The following PRIM2 variants were observed in gnomAD, a reference collection of about 807,000 sequenced individuals.
PRIM2 encodes DNA primase subunit 2.
A neutral mutation model predicts 67.3 loss-of-function variants in PRIM2; 39 were observed. The ratio of observed to expected loss-of-function variants is 0.58; its 90% CI spans 0.45 to 0.76. PRIM2 has a LOEUF of 0.76. Ranked by LOEUF, PRIM2 falls within the 30% of genes least tolerant of loss-of-function variation. The pLI, the probability that PRIM2 is intolerant of heterozygous loss-of-function variation, is 0.00. For synonymous variants in PRIM2, 143 were observed against 198.7 expected, an observed-to-expected ratio of 0.72 and a Z score of 2.36; for missense variants, 398 against 598.7, an observed-to-expected ratio of 0.66 and a Z score of 3.50.
intron 8 of PRIM2, among the ~76,000 whole-genome samples, chr6:57,516,304 G>A (rs2127462498): frequency 6.6e-6 from 1 of 152,304 alleles, no homozygotes; most frequent in South Asian, 2.1e-4. Context: ...GAGGGTCACT[G>A]ATTTGGCCTC....
chr6:57,361,822 A>C (rs997682673), intron 5 of PRIM2, among the ~76,000 whole-genome samples: 10 of 152,220 alleles, frequency 6.6e-5, no homozygotes, highest in African/African-American at 2.2e-4. Context: ...GAGCAGGAAA[A>C]GACTGATTTC....
At chr6:57,274,923 C>T in the PRIM2 span, among the ~76,000 whole-genome samples, 4 of 151,000 alleles carry the variant, frequency 2.6e-5, no homozygotes, top group Non-Finnish European at 4.4e-5. Flanking sequence ...ACTACAGGCA[C>T]GTGCCTCAAC....
At chr6:57,412,391 T>G (rs1377177879) in intron 7 of PRIM2, among the ~76,000 whole-genome samples, 1 of 152,182 alleles carries the variant, frequency 6.6e-6, no homozygotes, top group Non-Finnish European at 1.5e-5. Flanking sequence ...TCACATATAA[T>G]GCTGTGATGA....
At position 57,326,178 on chromosome 6, in the gene PRIM2, G is replaced by A. The variant is rs937120575; in HGVS notation, c.459+133G>A. 4.6e-5 allele frequency: 43 copies of A among 940,280 alleles called. 1 individual carries two copies. Among genetic ancestry groups the A allele is most frequent in the Non-Finnish European group, 6.2e-5 (40 of 646,316 alleles). The allele number at this position is 940,280 out of a possible 1,614,324, so 58.2% of individuals were successfully genotyped here. On this transcript the variant is annotated intron_variant, in intron 5 of 13. Coordinates refer to ENST00000615550, the MANE Select transcript of PRIM2 (RefSeq NM_000947.5). The stretch of plus-strand genomic sequence containing the variant: ...TACCTGCCTGAAACAGTAGCTAATA[G>A]CTTTGGATAACAATATATCTTTCCT...
chr6:57,619,595 T>G (rs1776815439), intron 12 of PRIM2, among the ~76,000 whole-genome samples: 2 of 152,042 alleles, frequency 1.3e-5, no homozygotes, highest in Non-Finnish European at 2.9e-5. Context: ...CAGGAAACTT[T>G]GGATACACTT....
chr6:57,646,292 C>T lies in PRIM2; in HGVS notation c.*134C>T. The T allele has an allele frequency of 6.3e-6, 4 of 634,968 alleles. No homozygotes were observed. Among genetic ancestry groups the T allele is most frequent in the Middle Eastern group, 4.2e-4 (1 of 2,378 alleles). The allele number at this position is 634,968 out of a possible 1,614,324, so 39.3% of individuals were successfully genotyped here. A position where few individuals can be genotyped will look rare whatever the true frequency, so the allele number is the denominator to read the frequency against. On this transcript the variant is annotated 3_prime_UTR_variant, in exon 14 of 14. Coordinates refer to ENST00000615550, the MANE Select transcript of PRIM2 (RefSeq NM_000947.5). ...CAATTACAGCTGATTGCAGCCTTGA[C>T]CTTCCCAGCTCAAGTGATCCTCCTA...
At chr6:57,425,005 G>C (rs867880745) in intron 7 of PRIM2, among the ~76,000 whole-genome samples, 2 of 152,012 alleles carry the variant, frequency 1.3e-5, no homozygotes, top group Non-Finnish European at 2.9e-5. Context: ...ATGAATAAAT[G>C]AATAAATAAA....
At position 57,346,333 on chromosome 6, in the gene PRIM2, T is replaced by C. The variant is rs558619722; in HGVS notation, c.459+20288T>C. Among the ~76,000 whole-genome samples, 197 of 152,276 alleles carry C rather than the reference T, an allele frequency of 1.3e-3. 5 individuals carry two copies. The East Asian group carries it at 0.017, about 13-fold the overall frequency. ...GCTTTTAAATGTATACTTTTTTTTT[T>C]TGAGACGGAGTCTCACTCTGTCGCC... On this transcript the variant is annotated intron_variant, in intron 5 of 13. Transcript: ENST00000615550.
chr6:57,597,215 A>G (rs1181356412), intron 10 of PRIM2, among the ~76,000 whole-genome samples: 4 of 152,238 alleles, frequency 2.6e-5, no homozygotes, highest in African/African-American at 7.2e-5. Context: ...CGTTCTTTTG[A>G]GGAAGCAATG....
intron 10 of PRIM2, among the ~76,000 whole-genome samples, chr6:57,543,992 G>C (rs1775234634): frequency 6.6e-6 from 1 of 152,200 alleles, no homozygotes; most frequent in African/African-American, 2.4e-5. Context: ...TGTGGAAGCA[G>C]CTTAAGGTTC....
chr6:57,223,994 CA>C, the PRIM2 span, among the ~76,000 whole-genome samples: 2 of 152,096 alleles, frequency 1.3e-5, no homozygotes, highest in Non-Finnish European at 2.9e-5. Flanking sequence ...GAATTGAAAA[CA>C]GGGACTCAAA....
chr6:57,427,467 C>T (rs1225643561), intron 7 of PRIM2, among the ~76,000 whole-genome samples: 4 of 152,200 alleles, frequency 2.6e-5, no homozygotes, highest in East Asian at 1.9e-4. Flanking sequence ...TCCAGGCATG[C>T]GCCACCAAGC....
chr6:57,590,128 A>G (rs1423994149), intron 10 of PRIM2, among the ~76,000 whole-genome samples: 2 of 152,224 alleles, frequency 1.3e-5, no homozygotes, highest in Non-Finnish European at 2.9e-5. Flanking sequence ...CAGAATCTTC[A>G]TCAAAATCTG....
intron 10 of PRIM2, among the ~76,000 whole-genome samples, chr6:57,559,749 A>G (rs1471014646): frequency 6.6e-6 from 1 of 152,238 alleles, no homozygotes; most frequent in African/African-American, 2.4e-5. Context: ...TATAAAACTC[A>G]TATGTATACT....
chr6:57,273,055 T>G, the PRIM2 span, among the ~76,000 whole-genome samples: 1 of 152,344 alleles, frequency 6.6e-6, no homozygotes, highest in South Asian at 2.1e-4. Flanking sequence ...TGGCTGCCCT[T>G]AACATTGTTT....
chr6:57,223,005 T>C, the PRIM2 span, among the ~76,000 whole-genome samples: 1 of 152,208 alleles, frequency 6.6e-6, no homozygotes, highest in African/African-American at 2.4e-5. Context: ...AGAATGTTCG[T>C]AGCTGCATTT....
the PRIM2 span, among the ~76,000 whole-genome samples, chr6:57,235,479 GA>G: frequency 6.9e-6 from 1 of 144,894 alleles, no homozygotes; most frequent in African/African-American, 2.5e-5. Context: ...AAAAAAAAAT[GA>G]AAAAAATGCT....
At chr6:57,225,198 G>GC in the PRIM2 span, among the ~76,000 whole-genome samples, 1 of 152,088 alleles carries the variant, frequency 6.6e-6, no homozygotes, top group Admixed American at 6.6e-5. Context: ...TTTCTGTGAG[G>GC]CCCCCCATGT....
At chr6:57,469,988 A>C (rs1332839476) in intron 7 of PRIM2, among the ~76,000 whole-genome samples, 2 of 151,796 alleles carry the variant, frequency 1.3e-5, no homozygotes, top group Non-Finnish European at 2.9e-5. Flanking sequence ...TCCAATTTCT[A>C]GTACTTTGGA....
Sources: allele counts gnomAD v4.1 joint callset (sites outside exome capture counted in the v4.1 genomes callset), GRCh38; gene constraint gnomAD v4.1.1; transcripts MANE v1.5; gene names NCBI Gene and HGNC (gene_info 2026-07-23, HGNC 2026-07-21).